Variants in STEAP1B observed in about 807,000 individuals in gnomAD.
The protein encoded by STEAP1B is STEAP family protein MGC87042.
A neutral mutation model predicts 27.9 loss-of-function variants in STEAP1B; 13 were observed. The observed-to-expected ratio is 0.47, with a 90% CI of 0.30 to 0.74. The LOEUF (loss-of-function observed/expected upper bound fraction) is 0.74. STEAP1B is among the 30% of genes least tolerant of loss of function. The pLI is 0.06. For synonymous variants in STEAP1B, 86 were observed against 107.1 expected (o/e 0.80, Z 1.22); for missense variants, 250 against 298.7 (o/e 0.84, Z 1.20).
intron 4 of STEAP1B, among the ~76,000 whole-genome samples, chr7:22,469,730 G>A (rs139825337): frequency 1.2e-4 from 18 of 152,238 alleles, no homozygotes; most frequent in African/African-American, 3.9e-4. Context: ...TACCATCTAG[G>A]TTAGCGTAAG....
At chr7:22,451,511 T>C (rs924577852) in intron 4 of STEAP1B, among the ~76,000 whole-genome samples, 1 of 152,228 alleles carries the variant, frequency 6.6e-6, no homozygotes, top group African/African-American at 2.4e-5. Flanking sequence ...TTTTTCCCCA[T>C]TTAATATAAT....
chr7:22,490,196 C>G (rs1786296687), intron 4 of STEAP1B, among the ~76,000 whole-genome samples: 2 of 151,938 alleles, frequency 1.3e-5, no homozygotes. Context: ...AAAAAACTGA[C>G]AATTATATCT....
chr7:22,485,334 A>G (rs1786183554), intron 4 of STEAP1B, among the ~76,000 whole-genome samples: 1 of 152,240 alleles, frequency 6.6e-6, no homozygotes, highest in South Asian at 2.1e-4. Context: ...AGCCATCAAC[A>G]TTGAAGCAAG....
At chr7:22,451,192 C>CAAAAAAAATAAAGAAAA (rs1785482407) in intron 4 of STEAP1B, among the ~76,000 whole-genome samples, 1 of 146,322 alleles carries the variant, frequency 6.8e-6, no homozygotes. Context: ...GATTCTGTCT[C>CAAAAAAAATAAAGAAAA]AAAAAAAAAA....
intron 4 of STEAP1B, among the ~76,000 whole-genome samples, chr7:22,438,200 T>G (rs1785278631): frequency 6.6e-6 from 1 of 152,218 alleles, no homozygotes; most frequent in African/African-American, 2.4e-5. Context: ...TTGTTGTTGT[T>G]GGGTTCCCTT....
At chr7:22,458,977 T>A (rs1447173467) in intron 4 of STEAP1B, among the ~76,000 whole-genome samples, 1 of 151,756 alleles carries the variant, frequency 6.6e-6, no homozygotes, top group Non-Finnish European at 1.5e-5. Context: ...TTAAAGAGAA[T>A]CTGTTCCTAA....
intron 4 of STEAP1B, among the ~76,000 whole-genome samples, chr7:22,447,567 T>C (rs1785427554): frequency 6.6e-6 from 1 of 152,234 alleles, no homozygotes; most frequent in Admixed American, 6.5e-5. Context: ...ACATCATTTG[T>C]AGGGCAAAGC....
intron 4 of STEAP1B, among the ~76,000 whole-genome samples, chr7:22,450,417 T>C (rs1387514776): frequency 6.6e-6 from 1 of 152,232 alleles, no homozygotes; most frequent in South Asian, 2.1e-4. Flanking sequence ...CTTAGCACCA[T>C]TTATTGAAGA....
intron 4 of STEAP1B, among the ~76,000 whole-genome samples, chr7:22,425,834 C>A (rs923440585): frequency 6.6e-6 from 1 of 152,198 alleles, no homozygotes; most frequent in Non-Finnish European, 1.5e-5. Flanking sequence ...AGCAAAGGGG[C>A]AGATTCTGAC....
intron 4 of STEAP1B, among the ~76,000 whole-genome samples, chr7:22,430,824 G>C (rs760383234): frequency 5.9e-5 from 9 of 152,206 alleles, no homozygotes; most frequent in Admixed American, 4.6e-4. Context: ...ACCATGACTT[G>C]GGTCTTCCTC....
chr7:22,428,167 A>T (rs1785132500), intron 4 of STEAP1B, among the ~76,000 whole-genome samples: 1 of 152,164 alleles, frequency 6.6e-6, no homozygotes, highest in South Asian at 2.1e-4. Flanking sequence ...ATCCTGAGAG[A>T]GCTGTCAGCC....
intron 4 of STEAP1B, among the ~76,000 whole-genome samples, chr7:22,449,961 A>G (rs1017768793): frequency 4.6e-5 from 7 of 152,200 alleles, no homozygotes; most frequent in African/African-American, 1.7e-4. Context: ...ATGTCTATTC[A>G]GATCTTTTGC....
chr7:22,467,993 G>GA (rs1785815993), intron 4 of STEAP1B, among the ~76,000 whole-genome samples: 2 of 152,088 alleles, frequency 1.3e-5, no homozygotes, highest in Admixed American at 6.6e-5. Context: ...TAAAATATCA[G>GA]ATAAATAAAA....
intron 4 of STEAP1B, among the ~76,000 whole-genome samples, chr7:22,476,324 G>C (rs1339687137): frequency 1.3e-5 from 2 of 152,166 alleles, no homozygotes; most frequent in African/African-American, 4.8e-5. Flanking sequence ...CAGCAAACAA[G>C]ACATAGGGTC....
At chr7:22,478,813 T>C (rs1786017760) in intron 4 of STEAP1B, among the ~76,000 whole-genome samples, 2 of 152,192 alleles carry the variant, frequency 1.3e-5, no homozygotes, top group Admixed American at 6.5e-5. Flanking sequence ...TCTCAAATGC[T>C]TCTCTTTGCA....
At chr7:22,494,633 C>T in intron 2 of STEAP1B, 139 bp downstream of exon 2, 1 of 570,780 alleles carries the variant, frequency 1.8e-6, no homozygotes. Flanking sequence ...TTCACAGTAT[C>T]AGTGACAGTA....
intron 3 of STEAP1B, 71 bp downstream of exon 3, chr7:22,493,253 A>G: frequency 3.5e-6 from 5 of 1,447,676 alleles, no homozygotes; most frequent in Non-Finnish European, 4.6e-6. Context: ...TTGATATTAC[A>G]ATGAGAAATG....
Position 22,496,525 on chromosome 7 carries a change from C to T in STEAP1B, c.-31-1639G>A, listed in dbSNP as rs146349156. ...TTCTGCAAGTTCCATTCATAGCAAG[C>T]GTCCTGTACAAATATACAATTTTTT... On this transcript the variant is annotated intron_variant, in intron 1 of 4. Transcript: ENST00000678116. 3.8e-3 allele frequency among the ~76,000 whole-genome samples: 579 copies of T among 152,248 alleles called. 3 individuals are homozygous for T. Among genetic ancestry groups the T allele is most frequent in the Non-Finnish European group, 6.7e-3 (457 of 68,014 alleles).
intron 4 of STEAP1B, among the ~76,000 whole-genome samples, chr7:22,423,394 A>G (rs1347906234): frequency 1.3e-5 from 2 of 152,232 alleles, no homozygotes; most frequent in African/African-American, 4.8e-5. Context: ...GAGTGAGTAA[A>G]CATGGCACAT....
Sources: allele counts gnomAD v4.1 joint callset (sites outside exome capture counted in the v4.1 genomes callset), GRCh38; gene constraint gnomAD v4.1.1; transcripts MANE v1.5; gene names NCBI Gene and HGNC (gene_info 2026-07-23, HGNC 2026-07-21).